Variants in ISM2 observed in about 807,000 individuals in gnomAD.
The protein encoded by ISM2 is isthmin 2.
In ISM2, 50 loss-of-function variants were observed where a neutral mutation model predicts 58.0. That is an observed-to-expected ratio of 0.86 (90% CI 0.69 to 1.09). ISM2 has a LOEUF of 1.09. ISM2 is among the 50% of genes least tolerant of loss of function. The pLI is 0.00. For synonymous variants in ISM2, 303 were observed against 312.4 expected, an observed-to-expected ratio of 0.97 and a Z score of 0.32; for missense variants, 723 against 745.0, an observed-to-expected ratio of 0.97 and a Z score of 0.34.
In ISM2 at chr14:77,478,716, C is replaced by T. The variant is rs754698311; in HGVS notation, c.974-1G>A. On this transcript the variant is annotated splice_acceptor_variant, in intron 4 of 6. Coordinates refer to ENST00000342219, the MANE Select transcript of ISM2 (RefSeq NM_199296.3). LOFTEE classifies it high-confidence loss of function. ...CTCCACTCCTTCTGAGGCTCATAGTCTGGGTTAAGACAGGGAGTTGGGGGT... is the reference window on the plus strand; with the variant it reads ...CTCCACTCCTTCTGAGGCTCATAGTTTGGGTTAAGACAGGGAGTTGGGGGT... 6.2e-7 allele frequency: 1 copy of T among 1,611,554 alleles called. No individual in the cohort carries two copies. The highest frequency in any genetic ancestry group is 8.5e-7 in the Non-Finnish European group (1 of 1,177,944).
At position 77,484,501 on chromosome 14, in the gene ISM2, G is replaced by A. The variant is rs1303680971; in HGVS notation, c.449C>T (p.Thr150Ile). 6.2e-7 allele frequency: 1 copy of A among 1,605,304 alleles called. No homozygotes were observed. Among genetic ancestry groups the A allele is most frequent in the Non-Finnish European group, 8.5e-7 (1 of 1,175,366 alleles). Residue 150 changes from threonine to isoleucine, a missense_variant, in exon 3 of 7, where the codon ACC becomes ATC. Transcript: ENST00000342219. The part of the protein sequence containing the change: ...EEEEARLLPR[T>I]HLQAELHQHG... Reference sequence around the variant, plus strand: ...TTGGTGTAGCTCTGCCTGCAGGTGGGTTCTGGGGAGCAGTCGTGCCTCCTC... The same window carrying A: ...TTGGTGTAGCTCTGCCTGCAGGTGGATTCTGGGGAGCAGTCGTGCCTCCTC...
At chr14:77,477,283 T>G (rs2079104089) in intron 6 of ISM2, among the ~76,000 whole-genome samples, 1 of 152,166 alleles carries the variant, frequency 6.6e-6, no homozygotes, top group Admixed American at 6.5e-5. Flanking sequence ...CGGGTCTTGT[T>G]TCTCATTTTC....
chr14:77,482,812 C>T (rs2079141090), intron 3 of ISM2, 145 bp from the exon 4 acceptor site: 2 of 578,630 alleles, frequency 3.5e-6, no homozygotes, highest in South Asian at 5.0e-5. Flanking sequence ...ACATTTTTGG[C>T]TAACCTTCCT....
chr14:77,484,229 C>T (rs1228673903), intron 3 of ISM2, 94 bp downstream of exon 3: 10 of 1,490,428 alleles, frequency 6.7e-6, no homozygotes, highest in Admixed American at 4.1e-5. Flanking sequence ...CCACCCTCCA[C>T]GGAATCCAGG....
Position 77,484,871 on chromosome 14 carries a change from G to A in ISM2, c.190C>T (p.Pro64Ser), listed in dbSNP as rs2079158107. 6.3e-7 allele frequency: 1 copy of A among 1,590,020 alleles called. No homozygotes were observed. Among genetic ancestry groups the A allele is most frequent in the Non-Finnish European group, 8.6e-7 (1 of 1,168,180 alleles). ...PRPLKEEEEA[P>S]LLPRTHLQAE... ...TGCAGGTGGGTTCTGGGGAGCAGTG[G>A]TGCCTCCTCCTCTTCCTTCAGAGGC... The change falls in exon 2 of 7, where the codon CCA becomes TCA. Residue 64 changes from proline (P) to serine (S), a missense_variant. Coordinates refer to ENST00000342219, the MANE Select transcript of ISM2 (RefSeq NM_199296.3).
chr14:77,489,947 T>TCC (rs1366877293), intron 1 of ISM2, among the ~76,000 whole-genome samples: 10 of 152,186 alleles, frequency 6.6e-5, no homozygotes, highest in African/African-American at 2.2e-4. Flanking sequence ...CACTGCAAGC[T>TCC]AAGCCTCCCG....
intron 1 of ISM2, among the ~76,000 whole-genome samples, chr14:77,493,471 AT>A (rs1393569506): frequency 6.7e-6 from 1 of 150,318 alleles, no homozygotes; most frequent in African/African-American, 2.5e-5. Context: ...ATTTATTATT[AT>A]TTTTTTTGAG....
chr14:77,498,479 C>A, intron 1 of ISM2, 174 bp downstream of exon 1: 2 of 1,186,370 alleles, frequency 1.7e-6, no homozygotes, highest in Non-Finnish European at 2.4e-6. Context: ...CGAAGTCCGG[C>A]GCACCTGGGC....
intron 4 of ISM2, among the ~76,000 whole-genome samples, chr14:77,479,472 C>T (rs1370717012): frequency 6.6e-6 from 1 of 151,934 alleles, no homozygotes; most frequent in East Asian, 1.9e-4. Context: ...CAACCTCTGC[C>T]TCCCGGGTTC....
rs988720840 is a variant in ISM2 at position 77,474,641 on chromosome 14, G to A, written c.*954C>T. 3 of 152,294 alleles carry A rather than the reference G, an allele frequency of 2.0e-5. No homozygotes were observed. Among genetic ancestry groups the A allele is most frequent in the Non-Finnish European group, 2.9e-5 (2 of 68,062 alleles). The allele number at this position is 152,294 out of a possible 1,614,324, so 9.4% of individuals were successfully genotyped here. Reference sequence around the variant, plus strand: ...CCCAACTCTGAGTTCAGTGCATTCAGTGATGCTGGCAGCATGACATGGGAC... The same window carrying A: ...CCCAACTCTGAGTTCAGTGCATTCAATGATGCTGGCAGCATGACATGGGAC... On this transcript the variant is annotated 3_prime_UTR_variant, in exon 7 of 7. Transcript: ENST00000342219.
In ISM2 at chr14:77,475,871, C is replaced by G. The variant is rs1306812133; in HGVS notation, c.1440G>C (p.Leu480=). ...PTARFCLRSM[L]SGESSTLAAQ... ...CGGCCAGTGTGCTGCTCTCCCCAGACAGCATGGAACGCAGGCAGAAGCGCG... is the reference window on the plus strand; with the variant it reads ...CGGCCAGTGTGCTGCTCTCCCCAGAGAGCATGGAACGCAGGCAGAAGCGCG... Residue 480 remains leucine (L), a synonymous_variant, in exon 7 of 7, where the codon CTG becomes CTC. Coordinates refer to ENST00000342219, the MANE Select transcript of ISM2 (RefSeq NM_199296.3). The surrounding 1 kb of genome is among the most constrained non-coding windows in gnomAD (Gnocchi z 4.1). 4 of 1,607,764 alleles carry G rather than the reference C, an allele frequency of 2.5e-6. No individual in the cohort carries two copies. Among genetic ancestry groups the G allele is most frequent in the Non-Finnish European group, 3.4e-6 (4 of 1,179,914 alleles).
chr14:77,478,738 G>C (rs1397633054), intron 4 of ISM2, 23 bp from the exon 5 acceptor site: 13 of 1,601,986 alleles, frequency 8.1e-6, no homozygotes, highest in Non-Finnish European at 1.1e-5. Context: ...AGGGAGTTGG[G>C]GGTGAGTGCA....
chr14:77,475,755 G>A lies in ISM2; in HGVS notation c.1556C>T (p.Pro519Leu), dbSNP rs1225798341. 5 of 1,613,842 alleles carry A rather than the reference G, an allele frequency of 3.1e-6. No homozygotes were observed. The highest frequency in any genetic ancestry group is 4.2e-6 in the Non-Finnish European group (5 of 1,179,958). The change falls in exon 7 of 7, where the codon CCT (proline) becomes CTT (leucine). Residue 519 changes from proline (P) to leucine (L), a missense_variant. Coordinates refer to ENST00000342219, the MANE Select transcript of ISM2 (RefSeq NM_199296.3). The surrounding 1 kb of genome is among the most constrained non-coding windows in gnomAD (Gnocchi z 4.1). The stretch of plus-strand genomic sequence containing the variant: ...CGTGTCGAACTTGAAGTGCAGCTTA[G>A]GTGAGAAGTCGGTGCTGATGAGGTT... ...MPNLISTDFS[P>L]KLHFKFDTTP...
In ISM2 at chr14:77,484,581, G is replaced by A; in HGVS notation, c.385-16C>T. 2 of 1,603,438 alleles carry A rather than the reference G, an allele frequency of 1.2e-6. No homozygotes were observed. Among genetic ancestry groups the A allele is most frequent in the Non-Finnish European group, 8.5e-7 (1 of 1,175,376 alleles). On this transcript the variant is annotated splice_polypyrimidine_tract_variant and intron_variant, in intron 2 of 6. Coordinates refer to ENST00000342219, the MANE Select transcript of ISM2 (RefSeq NM_199296.3). ...AGGCTGAAGCCTGAGGAAGAGAGAG[G>A]GAAGGTGAGGTGACAGGTTAGGGCT...
chr14:77,482,822 T>C, intron 3 of ISM2, 155 bp from the exon 4 acceptor site: 1 of 562,066 alleles, frequency 1.8e-6, no homozygotes, highest in South Asian at 2.6e-5. Flanking sequence ...CTAACCTTCC[T>C]GGCCTCTTAG....
chr14:77,492,516 CTTTTTTT>C (rs11345814), intron 1 of ISM2, among the ~76,000 whole-genome samples: 49 of 93,476 alleles, frequency 5.2e-4, no homozygotes, highest in Admixed American at 9.9e-4. Context: ...TGGCCCCAGC[CTTTTTTT>C]TTTTTTTTTT....
At chr14:77,490,882 G>A (rs1566758273) in intron 1 of ISM2, among the ~76,000 whole-genome samples, 1 of 152,186 alleles carries the variant, frequency 6.6e-6, no homozygotes, top group Non-Finnish European at 1.5e-5. Flanking sequence ...TGGTCTGGAG[G>A]GATAAGGAAG....
intron 1 of ISM2, among the ~76,000 whole-genome samples, chr14:77,495,419 CA>C (rs1431712216): frequency 6.6e-6 from 1 of 152,130 alleles, no homozygotes; most frequent in African/African-American, 2.4e-5. Context: ...GAAGATTTGG[CA>C]AACATGCTAA....
intron 1 of ISM2, among the ~76,000 whole-genome samples, chr14:77,494,550 C>T (rs796096288): frequency 7.9e-5 from 12 of 152,172 alleles, no homozygotes; most frequent in African/African-American, 2.9e-4. Flanking sequence ...GTGCCCACAA[C>T]CATGCCCGGC....
Sources: allele counts gnomAD v4.1 joint callset (sites outside exome capture counted in the v4.1 genomes callset), GRCh38; gene constraint gnomAD v4.1.1; non-coding constraint Gnocchi (gnomAD v3.1); transcripts MANE v1.5; gene names NCBI Gene and HGNC (gene_info 2026-07-23, HGNC 2026-07-21).